The following EGR1 variants were observed in gnomAD, a reference collection of about 807,000 sequenced individuals.
EGR1 encodes the protein early growth response protein 1.
EGR1 carries 8 observed loss-of-function variants against 30.2 expected under a neutral mutation model. The observed-to-expected ratio is 0.26, with a 90% CI of 0.16 to 0.48. EGR1 has a LOEUF of 0.48. Ranked by LOEUF, EGR1 falls within the 20% of genes least tolerant of loss-of-function variation. The pLI, the probability that EGR1 is intolerant of heterozygous loss-of-function variation, is 0.99. For synonymous variants in EGR1, 334 were observed against 312.8 expected (o/e 1.07, Z -0.72); for missense variants, 568 against 732.3 (o/e 0.78, Z 2.59).
rs1764189068 is a variant in EGR1, at chr5:138,468,475, AC to A, written c.*397del. The A allele has an allele frequency of 5.6e-6, 2 of 354,450 alleles. No individual in the cohort carries two copies. Among genetic ancestry groups the A allele is most frequent in the East Asian group, 1.6e-4 (2 of 12,324 alleles). The allele number at this position is 354,450 out of a possible 1,614,324, so 22.0% of individuals were successfully genotyped here. ...TGGGCCCCTCAGAGCCCTGCCCTGCACCCTTGTACAGTGTCTGTGCCATGGA... is the reference window on the plus strand; with the variant it reads ...TGGGCCCCTCAGAGCCCTGCCCTGCACCTTGTACAGTGTCTGTGCCATGGA... On this transcript the variant is annotated 3_prime_UTR_variant, in exon 2 of 2. Coordinates refer to ENST00000239938, the MANE Select transcript of EGR1 (RefSeq NM_001964.3).
chr5:138,468,126 G>A lies in EGR1; in HGVS notation c.*45G>A, dbSNP rs201253879. The A allele has an allele frequency of 4.4e-5, 68 of 1,537,558 alleles. No homozygotes were observed. The highest frequency in any genetic ancestry group is 5.9e-5 in the Non-Finnish European group (68 of 1,143,878). The stretch of plus-strand genomic sequence containing the variant: ...GGAAAAGGGAGAAAAAGAAACACAA[G>A]AGACTTAAAGGACAGGAGGAGGAGA... On this transcript the variant is annotated 3_prime_UTR_variant, in exon 2 of 2. Coordinates refer to ENST00000239938, the MANE Select transcript of EGR1 (RefSeq NM_001964.3).
Position 138,468,314 on chromosome 5 carries a change from T to C in EGR1, c.*233T>C, listed in dbSNP as rs1447344163. The C allele has an allele frequency of 4.6e-6, 4 of 875,766 alleles. No individual in the cohort carries two copies. Among genetic ancestry groups the C allele is most frequent in the South Asian group, 2.8e-5 (2 of 70,654 alleles). The allele number at this position is 875,766 out of a possible 1,614,324, so 54.2% of individuals were successfully genotyped here. A position where few individuals can be genotyped will look rare whatever the true frequency, so the allele number is the denominator to read the frequency against. ...TGACTTCAGCTGCCTGAAACAGCCATGTCCAAGTTCTTCACCTCTATCCAA... is the reference window on the plus strand; with the variant it reads ...TGACTTCAGCTGCCTGAAACAGCCACGTCCAAGTTCTTCACCTCTATCCAA... On this transcript the variant is annotated 3_prime_UTR_variant, in exon 2 of 2. Coordinates refer to ENST00000239938, the MANE Select transcript of EGR1 (RefSeq NM_001964.3).
Position 138,468,035 on chromosome 5 carries a change from C to T in EGR1, c.1586C>T (p.Ser529Leu), listed in dbSNP as rs371059427. Reference protein sequence around the residue: ...TNSFSASTGLSDMTATFSPRT... With the variant: ...TNSFSASTGLLDMTATFSPRT... ...TCCTTCAGCGCCTCCACAGGGCTTT[C>T]GGACATGACAGCAACCTTTTCTCCC... is the stretch of plus-strand genomic sequence containing the variant. Residue 529 changes from serine (S) to leucine (L), a missense_variant, in exon 2 of 2, where the codon TCG becomes TTG. Transcript: ENST00000239938. 4 of 1,600,468 alleles carry T rather than the reference C, an allele frequency of 2.5e-6. No homozygotes were observed. The highest frequency in any genetic ancestry group is 1.7e-4 in the Middle Eastern group (1 of 5,994).
Position 138,466,144 on chromosome 5 carries a change from C to T in EGR1, c.307+76C>T, listed in dbSNP as rs1299121969. Reference sequence around the variant, plus strand: ...TCCTGTCCTTCACCGCAGGAGTGCTCCTGGATCTTAGAATGAGAGCCGGGT... The same window carrying T: ...TCCTGTCCTTCACCGCAGGAGTGCTTCTGGATCTTAGAATGAGAGCCGGGT... On this transcript the variant is annotated intron_variant, in intron 1 of 1. Transcript: ENST00000239938. 10 of 1,451,838 alleles carry T rather than the reference C, an allele frequency of 6.9e-6. No individual in the cohort carries two copies. In the Admixed American group the frequency reaches 8.3e-5, roughly 12 times the overall value. The allele number at this position is 1,451,838 out of a possible 1,614,324, so 89.9% of individuals were successfully genotyped here. A position where few individuals can be genotyped will look rare whatever the true frequency, so the allele number is the denominator to read the frequency against.
Position 138,467,341 on chromosome 5 carries a change from C to G in EGR1, c.892C>G (p.Gln298Glu). ...GTCTACTATTAAGGCCTTTGCCACT[C>G]AGTCGGGCTCCCAGGACCTGAAGGC... ...PLSTIKAFAT[Q>E]SGSQDLKALN... Residue 298 changes from glutamine to glutamate, a missense_variant, in exon 2 of 2, where the codon CAG becomes GAG. Around this residue, in one of 4 missense-constraint regions of EGR1, gnomAD observed 415 missense variants for 445.2 expected, o/e 0.93. Coordinates refer to ENST00000239938, the MANE Select transcript of EGR1 (RefSeq NM_001964.3). The surrounding 1 kb of genome is among the most constrained non-coding windows in gnomAD (Gnocchi z 8.3). 6.2e-7 allele frequency: 1 copy of G among 1,614,182 alleles called. No homozygotes were observed. Among genetic ancestry groups the G allele is most frequent in the Non-Finnish European group, 8.5e-7 (1 of 1,180,040 alleles).
Position 138,468,764 on chromosome 5 carries a change from G to A in EGR1, c.*683G>A, listed in dbSNP as rs1764192211. On this transcript the variant is annotated 3_prime_UTR_variant, in exon 2 of 2. Coordinates refer to ENST00000239938, the MANE Select transcript of EGR1 (RefSeq NM_001964.3). ...ACTGCTTGACCGTACTCTCACATGT[G>A]GCAAAATATGGTTTGGTTTTTCTTT... The A allele has an allele frequency of 6.6e-6, 1 of 151,932 alleles. No individual in the cohort carries two copies. Among genetic ancestry groups the A allele is most frequent in the Non-Finnish European group, 1.5e-5 (1 of 67,918 alleles). The allele number at this position is 151,932 out of a possible 1,614,324, so 9.4% of individuals were successfully genotyped here.
rs147903263 is a variant in EGR1, at chr5:138,467,838, C to T, written c.1389C>T (p.Thr463=). ...PVTTSYPSPA[T]TSYPSPVPTS... The stretch of plus-strand genomic sequence containing the variant: ...CTACCTCTTATCCATCCCCGGCCAC[C>T]ACCTCATACCCATCCCCTGTGCCCA... Residue 463 remains threonine, a synonymous_variant, in exon 2 of 2, where the codon ACC becomes ACT. Transcript: ENST00000239938. The surrounding 1 kb of genome is among the most constrained non-coding windows in gnomAD (Gnocchi z 8.3). 1.9e-5 allele frequency: 31 copies of T among 1,613,582 alleles called. No homozygotes were observed. Among genetic ancestry groups the T allele is most frequent in the African/African-American group, 1.1e-4 (8 of 74,906 alleles).
rs563622226 is a variant in EGR1 at position 138,465,719 on chromosome 5, A to AC, written c.-36dup. 163 of 1,410,038 alleles carry AC rather than the reference A, an allele frequency of 1.2e-4. No homozygotes were observed. Among genetic ancestry groups the AC allele is most frequent in the African/African-American group, 8.1e-4 (55 of 67,526 alleles). The allele number at this position is 1,410,038 out of a possible 1,614,324, so 87.3% of individuals were successfully genotyped here. Reference sequence around the variant, plus strand: ...CCCTGCAGCTCCAGCCCCGGGCTGCACCCCCCCGCCCCGACACCAGCTCTC... The same window carrying AC: ...CCCTGCAGCTCCAGCCCCGGGCTGCACCCCCCCCGCCCCGACACCAGCTCTC... On this transcript the variant is annotated 5_prime_UTR_variant, in exon 1 of 2. Coordinates refer to ENST00000239938, the MANE Select transcript of EGR1 (RefSeq NM_001964.3).
chr5:138,468,217 C>T lies in EGR1; in HGVS notation c.*136C>T. On this transcript the variant is annotated 3_prime_UTR_variant, in exon 2 of 2. Transcript: ENST00000239938. ...GTTCTCAGAGCCAAGTCCTCCCTCT[C>T]TACTGGAGTGGAAGGTCTATTGGCC... 1.3e-6 allele frequency: 2 copies of T among 1,509,078 alleles called. No individual in the cohort carries two copies. The highest frequency in any genetic ancestry group is 1.8e-6 in the Non-Finnish European group (2 of 1,123,186). 93.5% of individuals were successfully genotyped at this position (1,509,078 alleles called of 1,614,324 possible).
Position 138,467,124 on chromosome 5 carries a change from C to A in EGR1, c.675C>A (p.Phe225Leu), listed in dbSNP as rs200345348. 5.2e-5 allele frequency: 84 copies of A among 1,613,626 alleles called. No homozygotes were observed. Among genetic ancestry groups the A allele is most frequent in the Non-Finnish European group, 6.4e-5 (75 of 1,180,010 alleles). ...DIFPEPQSQA[F>L]PGSAGTALQY... Reference sequence around the variant, plus strand: ...TCCCTGAGCCACAAAGCCAGGCCTTCCCGGGCTCGGCAGGGACAGCGCTCC... The same window carrying A: ...TCCCTGAGCCACAAAGCCAGGCCTTACCGGGCTCGGCAGGGACAGCGCTCC... Residue 225 changes from phenylalanine (F) to leucine (L), a missense_variant, in exon 2 of 2, where the codon TTC becomes TTA. Physicochemically the swap from Phe to Leu is conservative, Grantham distance 22. Around this residue, in one of 4 missense-constraint regions of EGR1, gnomAD observed 415 missense variants for 445.2 expected, o/e 0.93. Transcript: ENST00000239938. This position sits in a 1 kb window ranked among gnomAD's most constrained non-coding sequence, Gnocchi z 8.3.
Position 138,467,325 on chromosome 5 carries a change from T to TA in EGR1, c.878dup (p.Ala294GlyfsTer53). 6.2e-7 allele frequency: 1 copy of TA among 1,613,934 alleles called. No homozygotes were observed. Among genetic ancestry groups the TA allele is most frequent in the Non-Finnish European group, 8.5e-7 (1 of 1,179,996 alleles). ...CTTCGCTAACCCCTCTGTCTACTAT[T>TA]AAGGCCTTTGCCACTCAGTCGGGCT... On this transcript the variant is annotated frameshift_variant, in exon 2 of 2. Coordinates refer to ENST00000239938, the MANE Select transcript of EGR1 (RefSeq NM_001964.3). LOFTEE classifies it high-confidence loss of function. The surrounding 1 kb of genome is among the most constrained non-coding windows in gnomAD (Gnocchi z 8.3).
Position 138,468,265 on chromosome 5 carries a change from C to G in EGR1, c.*184C>G. 1 of 1,326,452 alleles carries G rather than the reference C, an allele frequency of 7.5e-7. No individual in the cohort carries two copies. Among genetic ancestry groups the G allele is most frequent in the Non-Finnish European group, 1.0e-6 (1 of 957,530 alleles). 82.2% of individuals were successfully genotyped at this position (1,326,452 alleles called of 1,614,324 possible). On this transcript the variant is annotated 3_prime_UTR_variant, in exon 2 of 2. Coordinates refer to ENST00000239938, the MANE Select transcript of EGR1 (RefSeq NM_001964.3). ...GCCAACAATCCTTTCTGCCCACTTC[C>G]CCTTCCCCAATTACTATTCCCTTTG...
chr5:138,465,699 C>T lies in EGR1; in HGVS notation c.-63C>T. ...CAGGCCCCCGCAACTGTGTCCCCTG[C>T]AGCTCCAGCCCCGGGCTGCACCCCC... is the stretch of plus-strand genomic sequence containing the variant. On this transcript the variant is annotated 5_prime_UTR_variant, in exon 1 of 2. Coordinates refer to ENST00000239938, the MANE Select transcript of EGR1 (RefSeq NM_001964.3). The T allele has an allele frequency of 6.9e-7, 1 of 1,453,398 alleles. No homozygotes were observed. The highest frequency in any genetic ancestry group is 9.2e-7 in the Non-Finnish European group (1 of 1,091,342). The allele number at this position is 1,453,398 out of a possible 1,614,324, so 90.0% of individuals were successfully genotyped here.
In EGR1 at chr5:138,465,710, C is replaced by T. The variant is rs1283898291; in HGVS notation, c.-52C>T. On this transcript the variant is annotated 5_prime_UTR_variant, in exon 1 of 2. Coordinates refer to ENST00000239938, the MANE Select transcript of EGR1 (RefSeq NM_001964.3). ...AACTGTGTCCCCTGCAGCTCCAGCC[C>T]CGGGCTGCACCCCCCCGCCCCGACA... 2 of 1,501,970 alleles carry T rather than the reference C, an allele frequency of 1.3e-6. No homozygotes were observed. The highest frequency in any genetic ancestry group is 2.8e-5 in the African/African-American group (2 of 71,334). The allele number at this position is 1,501,970 out of a possible 1,614,324, so 93.0% of individuals were successfully genotyped here. A position where few individuals can be genotyped will look rare whatever the true frequency, so the allele number is the denominator to read the frequency against.
At position 138,468,091 on chromosome 5, in the gene EGR1, G is replaced by A. The variant is rs1393945747; in HGVS notation, c.*10G>A. On this transcript the variant is annotated 3_prime_UTR_variant, in exon 2 of 2. Transcript: ENST00000239938. ...AATTGAAATTTGCTAAAGGGAAAGGGGAAAGAAAGGGAAAAGGGAGAAAAA... is the reference window on the plus strand; with the variant it reads ...AATTGAAATTTGCTAAAGGGAAAGGAGAAAGAAAGGGAAAAGGGAGAAAAA... 6.5e-7 allele frequency: 1 copy of A among 1,548,532 alleles called. No homozygotes were observed.
In EGR1 at chr5:138,467,831, C is replaced by T. The variant is rs1348315466; in HGVS notation, c.1382C>T (p.Pro461Leu). 1.2e-6 allele frequency: 2 copies of T among 1,613,630 alleles called. No individual in the cohort carries two copies. The highest frequency in any genetic ancestry group is 1.7e-5 in the Admixed American group (1 of 60,006). ...CCGGTTACTACCTCTTATCCATCCC[C>T]GGCCACCACCTCATACCCATCCCCT... is the stretch of plus-strand genomic sequence containing the variant. The part of the protein sequence containing the change: ...PSPVTTSYPS[P>L]ATTSYPSPVP... Residue 461 changes from proline to leucine, a missense_variant, in exon 2 of 2, where the codon CCG becomes CTG. Around this residue, in one of 4 missense-constraint regions of EGR1, gnomAD observed 118 missense variants for 161.6 expected, o/e 0.73. Coordinates refer to ENST00000239938, the MANE Select transcript of EGR1 (RefSeq NM_001964.3). This position sits in a 1 kb window ranked among gnomAD's most constrained non-coding sequence, Gnocchi z 8.3.
At chr5:138,466,347 G>T (rs1764158085) in intron 1 of EGR1, among the ~76,000 whole-genome samples, 1 of 152,232 alleles carries the variant, frequency 6.6e-6, no homozygotes, top group Admixed American at 6.5e-5. Flanking sequence ...TTGATGAGCG[G>T]GGCTGCGCCC....
In EGR1 at chr5:138,467,080, A is replaced by C. The variant is rs201793207; in HGVS notation, c.631A>C (p.Thr211Pro). The C allele has an allele frequency of 5.6e-6, 9 of 1,613,560 alleles. No individual in the cohort carries two copies. The highest frequency in any genetic ancestry group is 6.8e-6 in the Non-Finnish European group (8 of 1,179,948). The part of the protein sequence containing the change: ...PIYSAAPTFP[T>P]PNTDIFPEPQ... The stretch of plus-strand genomic sequence containing the variant: ...TTACTCAGCGGCACCCACCTTCCCC[A>C]CGCCGAACACTGACATTTTCCCTGA... The change falls in exon 2 of 2, where the codon ACG becomes CCG. Residue 211 changes from threonine to proline, a missense_variant. Physicochemically the swap from Thr to Pro is conservative, Grantham distance 38. This residue lies in a region of EGR1 where 415 missense variants were observed against 445.2 expected (regional missense o/e 0.93). Transcript: ENST00000239938. This position sits in a 1 kb window ranked among gnomAD's most constrained non-coding sequence, Gnocchi z 8.3.
At chr5:138,466,632 A>G (rs948159425) in intron 1 of EGR1, 125 bp from the exon 2 acceptor site, 6 of 1,103,534 alleles carry the variant, frequency 5.4e-6, no homozygotes, top group Admixed American at 2.2e-5. Flanking sequence ...GCTGCTATCA[A>G]TTATTAACTA....
Sources: allele counts gnomAD v4.1 joint callset (sites outside exome capture counted in the v4.1 genomes callset), GRCh38; gene constraint gnomAD v4.1.1; regional missense constraint gnomAD v4.1.1; non-coding constraint Gnocchi (gnomAD v3.1); transcripts MANE v1.5; gene names NCBI Gene and HGNC (gene_info 2026-07-23, HGNC 2026-07-21).